Variants in POLA1 observed in about 807,000 individuals in gnomAD.
The protein encoded by POLA1 is DNA polymerase alpha 1, catalytic subunit, also known as DNA polymerase alpha catalytic subunit.
A neutral mutation model predicts 124.0 loss-of-function variants in POLA1; 15 were observed. The observed-to-expected ratio is 0.12, with a 90% CI of 0.08 to 0.19. The LOEUF (loss-of-function observed/expected upper bound fraction) is 0.19, where lower values mean the gene tolerates loss of function less well. POLA1 is among the 10% of genes least tolerant of loss of function. The pLI, the probability that POLA1 is intolerant of heterozygous loss-of-function variation, is 1.00. For synonymous variants in POLA1, 408 were observed against 389.4 expected (o/e 1.05, Z -0.56); for missense variants, 886 against 1,103.4 (o/e 0.80, Z 2.79).
At chrX:24,774,433 A>G (rs754970297) in intron 26 of POLA1, among the ~76,000 whole-genome samples, 1 of 112,237 alleles carries the variant, frequency 8.9e-6, no homozygotes, top group Non-Finnish European at 1.9e-5. Flanking sequence ...TTTTAAAAAA[A>G]CAAGCAACAG....
At chrX:24,711,421 A>G (rs1929422425) in intron 4 of POLA1, among the ~76,000 whole-genome samples, 2 of 112,485 alleles carry the variant, frequency 1.8e-5, no homozygotes, top group Non-Finnish European at 3.8e-5. Flanking sequence ...ATGTAGCTGC[A>G]TAGTATTCCA....
chrX:24,864,006 G>T (rs866630604), intron 34 of POLA1, among the ~76,000 whole-genome samples: 2 of 107,470 alleles, frequency 1.9e-5, no homozygotes, highest in African/African-American at 6.8e-5. Flanking sequence ...ATTTGAGATG[G>T]AGTCTCGCTC....
At chrX:24,728,007 C>A (rs922304081) in intron 15 of POLA1, 71 bp downstream of exon 15, 30 of 862,783 alleles carry the variant, frequency 3.5e-5, no homozygotes, top group South Asian at 2.1e-4. Flanking sequence ...CACAGCTTTG[C>A]TTTAAGAGAA....
At chrX:24,974,542 C>T (rs1349566710) in intron 36 of POLA1, among the ~76,000 whole-genome samples, 2 of 109,915 alleles carry the variant, frequency 1.8e-5, no homozygotes, top group Non-Finnish European at 3.8e-5. Context: ...CCTCAGCAAA[C>T]TAACACAGGA....
At chrX:24,819,366 ATTT>A (rs1231464001) in intron 30 of POLA1, among the ~76,000 whole-genome samples, 1 of 103,810 alleles carries the variant, frequency 9.6e-6, no homozygotes, top group East Asian at 3.0e-4. Context: ...ATACTGTCAG[ATTT>A]TTTTTTTTTT....
chrX:24,710,699 C>T (rs768017096), intron 4 of POLA1, among the ~76,000 whole-genome samples: 12 of 96,585 alleles, frequency 1.2e-4, no homozygotes, highest in Non-Finnish European at 2.0e-4. Flanking sequence ...CAGAGTCTCG[C>T]TCTGTCACCC....
intron 35 of POLA1, among the ~76,000 whole-genome samples, chrX:24,922,356 A>G (rs1319919860): frequency 2.7e-5 from 3 of 110,552 alleles, no homozygotes; most frequent in Non-Finnish European, 5.7e-5. Context: ...AAGCACTACA[A>G]TTACAGGCTT....
intron 34 of POLA1, among the ~76,000 whole-genome samples, chrX:24,881,658 CAAAA>C (rs2047002482): frequency 9.0e-6 from 1 of 111,406 alleles, no homozygotes; most frequent in South Asian, 3.8e-4. Flanking sequence ...TGTAGGTAGG[CAAAA>C]CAAGATGGTA....
chrX:24,714,197 G>C (rs1306930803), intron 4 of POLA1, among the ~76,000 whole-genome samples: 1 of 111,391 alleles, frequency 9.0e-6, no homozygotes, highest in Non-Finnish European at 1.9e-5. Flanking sequence ...TTGCTCTGTC[G>C]CCCAGGCTGG....
chrX:24,724,361 A>G lies in POLA1; in HGVS notation c.1227A>G (p.Glu409=), dbSNP rs1930403155. The G allele has an allele frequency of 8.8e-7, 1 of 1,135,712 alleles. No individual in the cohort carries two copies. Among genetic ancestry groups the G allele is most frequent in the African/African-American group, 1.8e-5 (1 of 56,211 alleles). The allele number at this position is 1,135,712 out of a possible 1,213,427, so 93.6% of individuals were successfully genotyped here. The change falls in exon 12 of 37, where the codon GAA becomes GAG. Residue 409 remains glutamate (E), a synonymous_variant. Coordinates refer to ENST00000379068, the MANE Select transcript of POLA1 (RefSeq NM_001330360.2). The part of the protein sequence containing the change: ...EMKIDLNTGK[E]TGTPISMKDV... ...AAATTGATCTAAATACGGGGAAAGA[A>G]ACAGGAACTCCAATTTCAATGAAGG...
At position 24,926,560 on chromosome X, in the gene POLA1, C is replaced by G. The variant is rs1336101342; in HGVS notation, c.4165-3893C>G. Reference sequence around the variant, plus strand: ...ATATCCTATCCTAATCTTGAAATAACTTGCTTAAACAAGCAAGCATCTTCC... The same window carrying G: ...ATATCCTATCCTAATCTTGAAATAAGTTGCTTAAACAAGCAAGCATCTTCC... On this transcript the variant is annotated intron_variant, in intron 35 of 36. Transcript: ENST00000379068. Among the ~76,000 whole-genome samples the G allele has an allele frequency of 2.7e-5, 3 of 112,221 alleles. No homozygotes were observed. In the East Asian group the frequency reaches 8.4e-4, roughly 31 times the overall value.
intron 36 of POLA1, among the ~76,000 whole-genome samples, chrX:24,994,079 G>A (rs2048569603): frequency 1.8e-5 from 2 of 112,405 alleles, no homozygotes; most frequent in African/African-American, 6.5e-5. Flanking sequence ...AGATGCATTT[G>A]TGTCATTCAC....
At chrX:24,773,494 C>T (rs2045080037) in intron 26 of POLA1, among the ~76,000 whole-genome samples, 1 of 112,189 alleles carries the variant, frequency 8.9e-6, no homozygotes, top group South Asian at 3.7e-4. Flanking sequence ...CTTCTGGAGT[C>T]AAACTGCTAC....
Position 24,826,549 on chromosome X carries a change from G to T in POLA1, c.3684G>T (p.Arg1228=). The change falls in exon 32 of 37, where the codon CGG becomes CGT. Residue 1228 remains arginine (R), a synonymous_variant. Coordinates refer to ENST00000379068, the MANE Select transcript of POLA1 (RefSeq NM_001330360.2). ...AGCAGATCCACCCAGTCGTGGCTCG[G>T]ATCTGTGAACCAATAGACGGAATTG... is the stretch of plus-strand genomic sequence containing the variant. ...LAQQIHPVVA[R]ICEPIDGIDA... The T allele has an allele frequency of 1.7e-6, 2 of 1,207,899 alleles. No homozygotes were observed. The highest frequency in any genetic ancestry group is 2.2e-6 in the Non-Finnish European group (2 of 893,166).
At chrX:24,904,140 A>G (rs757121657) in intron 35 of POLA1, among the ~76,000 whole-genome samples, 2 of 108,863 alleles carry the variant, frequency 1.8e-5, no homozygotes, top group South Asian at 4.1e-4. Flanking sequence ...AGGTCTTGCT[A>G]TGTTGCCTAG....
At chrX:24,695,301 C>T (rs1927904255) in intron 1 of POLA1, among the ~76,000 whole-genome samples, 1 of 110,326 alleles carries the variant, frequency 9.1e-6, no homozygotes, top group African/African-American at 3.3e-5. Context: ...TTTTTTCATG[C>T]TTATTCTTTT....
intron 26 of POLA1, among the ~76,000 whole-genome samples, chrX:24,792,944 T>C (rs914487761): frequency 2.7e-5 from 3 of 111,264 alleles, no homozygotes; most frequent in African/African-American, 3.3e-5. Flanking sequence ...CAAAGAGAGA[T>C]ATCAAAGGCT....
In POLA1 at chrX:24,795,492, C is replaced by T. The variant is rs200266118; in HGVS notation, c.2965-14406C>T. ...CCATTTAAAAATAAAGAATGAGAAG[C>T]AGCTGAAATGCTGGCTCTTTTGCAG... On this transcript the variant is annotated intron_variant, in intron 26 of 36. Coordinates refer to ENST00000379068, the MANE Select transcript of POLA1 (RefSeq NM_001330360.2). 1.4e-4 allele frequency among the ~76,000 whole-genome samples: 16 copies of T among 110,983 alleles called. No homozygotes were observed. In the East Asian group the frequency reaches 2.3e-3, roughly 16 times the overall value.
At chrX:24,743,196 T>C in intron 22 of POLA1, 34 bp from the exon 23 acceptor site, 1 of 718,374 alleles carries the variant, frequency 1.4e-6, no homozygotes, top group Non-Finnish European at 2.1e-6. Flanking sequence ...AATTAGTTGC[T>C]GGCTGGTGAA....
Sources: allele counts gnomAD v4.1 joint callset (sites outside exome capture counted in the v4.1 genomes callset), GRCh38; gene constraint gnomAD v4.1.1; transcripts MANE v1.5; gene names NCBI Gene and HGNC (gene_info 2026-07-23, HGNC 2026-07-21).